PHC2: variants seen among roughly 807,000 people sequenced by gnomAD.
PHC2 encodes the protein polyhomeotic homolog 2.
In PHC2, 29 loss-of-function variants were observed where a neutral mutation model predicts 87.4. The observed-to-expected ratio is 0.33, with a 90% CI of 0.25 to 0.45. PHC2 has a LOEUF of 0.45. Among genes scored for constraint, PHC2 ranks in the 20% least tolerant of loss-of-function variants. PHC2 has a pLI of 1.00. For synonymous variants in PHC2, 438 were observed against 461.7 expected, an observed-to-expected ratio of 0.95 and a Z score of 0.66; for missense variants, 857 against 1,136.7, an observed-to-expected ratio of 0.75 and a Z score of 3.54.
Position 33,328,948 on chromosome 1 carries a change from T to C in PHC2, c.2347A>G (p.Met783Val), listed in dbSNP as rs1211812279. The C allele has an allele frequency of 1.2e-6, 2 of 1,614,034 alleles. No homozygotes were observed. The highest frequency in any genetic ancestry group is 1.7e-6 in the Non-Finnish European group (2 of 1,179,968). Residue 783 changes from methionine to valine, a missense_variant, in exon 14 of 15, where the codon ATG (methionine) becomes GTG (valine). Met to Val is a conservative substitution (Grantham distance 21). Coordinates refer to ENST00000683057, the MANE Select transcript of PHC2 (RefSeq NM_001385109.1). ...TCACTTGGCAGGAAGTGGTGTCCCA[T>C]GCCCACCAGGTCCCGCATATGCATG... ...PDMHMRDLVG[M>V]GHHFLPSEPT...
intron 9 of PHC2, chr1:33,346,405 G>A: frequency 6.1e-6 from 6 of 985,416 alleles, no homozygotes; most frequent in Non-Finnish European, 6.0e-6. Flanking sequence ...GGGAATAAAA[G>A]AGAAACTATC....
intron 9 of PHC2, among the ~76,000 whole-genome samples, chr1:33,339,636 C>T (rs1646705409): frequency 6.6e-6 from 1 of 152,208 alleles, no homozygotes; most frequent in Admixed American, 6.5e-5. Flanking sequence ...CCAGAGCTGA[C>T]GGGCTCTCCA....
intron 1 of PHC2, among the ~76,000 whole-genome samples, chr1:33,414,218 CAA>C (rs1491473035): frequency 9.6e-4 from 141 of 147,622 alleles, no homozygotes; most frequent in African/African-American, 3.2e-3. Context: ...CACACACACA[CAA>C]GAAAGGTTAA....
intron 13 of PHC2, among the ~76,000 whole-genome samples, chr1:33,329,490 CAA>C (rs34875983): frequency 1.3e-5 from 2 of 148,966 alleles, no homozygotes; most frequent in African/African-American, 4.9e-5. Flanking sequence ...AGGTTTAAGA[CAA>C]AAAAAAAATA....
chr1:33,387,651 TA>T (rs1648832738), intron 1 of PHC2, among the ~76,000 whole-genome samples: 1 of 152,236 alleles, frequency 6.6e-6, no homozygotes, highest in Non-Finnish European at 1.5e-5. Flanking sequence ...CTGAGATTCA[TA>T]GAGGCCCTGT....
At position 33,354,416 on chromosome 1, in the gene PHC2, G is replaced by A. The variant is rs770679575; in HGVS notation, c.1543C>T (p.Pro515Ser). 6.2e-7 allele frequency: 1 copy of A among 1,613,300 alleles called. No individual in the cohort carries two copies. The highest frequency in any genetic ancestry group is 1.1e-5 in the South Asian group (1 of 90,980). Reference sequence around the variant, plus strand: ...TGCTTCATACCGTGAGCTGGGGACGGCTGGATGTTAGGGCTCGTGGGTACA... The same window carrying A: ...TGCTTCATACCGTGAGCTGGGGACGACTGGATGTTAGGGCTCGTGGGTACA... ...LPVPTSPNIQ[P>S]SPAHETGQGI... Residue 515 changes from proline (P) to serine (S), a missense_variant, in exon 9 of 15, where the codon CCG (proline) becomes TCG (serine). Physicochemically the swap from Pro to Ser is moderately conservative, Grantham distance 74. Coordinates refer to ENST00000683057, the MANE Select transcript of PHC2 (RefSeq NM_001385109.1).
At chr1:33,408,924 C>G (rs1174074147) in intron 1 of PHC2, among the ~76,000 whole-genome samples, 1 of 152,200 alleles carries the variant, frequency 6.6e-6, no homozygotes, top group Non-Finnish European at 1.5e-5. Flanking sequence ...CCCCATCTCC[C>G]ACCTACTTGT....
At chr1:33,346,654 T>G in intron 9 of PHC2, 1 of 985,416 alleles carries the variant, frequency 1.0e-6, no homozygotes, top group Non-Finnish European at 1.2e-6. Flanking sequence ...CCTAGGTTTT[T>G]TAAACTTTAA....
At chr1:33,419,004 G>A (rs1247432135) in intron 1 of PHC2, among the ~76,000 whole-genome samples, 1 of 152,088 alleles carries the variant, frequency 6.6e-6, no homozygotes, top group Non-Finnish European at 1.5e-5. Flanking sequence ...TTCAGGTCCT[G>A]GCCCCATTAT....
At chr1:33,397,361 T>C (rs1649336636) in intron 1 of PHC2, among the ~76,000 whole-genome samples, 1 of 152,144 alleles carries the variant, frequency 6.6e-6, no homozygotes, top group South Asian at 2.1e-4. Flanking sequence ...ATGCAGAATC[T>C]TGGGCCCCAC....
Position 33,422,542 on chromosome 1 carries a change from T to C in PHC2, c.-55+8434A>G, listed in dbSNP as rs1268693378. Among the ~76,000 whole-genome samples, 2 of 152,230 alleles carry C rather than the reference T, an allele frequency of 1.3e-5. 1 individual carries two copies. The highest frequency in any genetic ancestry group is 4.8e-5 in the African/African-American group (2 of 41,472). ...TTCCAACTGAGCTTTGTTATCATGA[T>C]CAGAAACCAAATTTTTGGCTGGTTA... On this transcript the variant is annotated intron_variant, in intron 1 of 14. Transcript: ENST00000683057.
chr1:33,356,502 G>A (rs1647089720), intron 7 of PHC2, among the ~76,000 whole-genome samples: 8 of 149,670 alleles, frequency 5.3e-5, no homozygotes, highest in South Asian at 2.2e-4. Context: ...CTCTTAACGA[G>A]CATGCTGCCT....
At chr1:33,381,445 G>A (rs571526121) in intron 1 of PHC2, among the ~76,000 whole-genome samples, 1 of 151,938 alleles carries the variant, frequency 6.6e-6, no homozygotes, top group Admixed American at 6.6e-5. Flanking sequence ...TCCATCAATG[G>A]TGTCTATACT....
intron 2 of PHC2, among the ~76,000 whole-genome samples, chr1:33,373,186 C>T (rs966095267): frequency 1.3e-5 from 2 of 152,112 alleles, no homozygotes; most frequent in African/African-American, 2.4e-5. Context: ...GGCGTGATCT[C>T]GGCTCACTGC....
chr1:33,328,378 A>ATTTTT (rs10631917), intron 14 of PHC2, among the ~76,000 whole-genome samples: 13 of 133,672 alleles, frequency 9.7e-5, no homozygotes, highest in African/African-American at 2.0e-4. Flanking sequence ...TCTTAATTAA[A>ATTTTT]TTTTTTTTTT....
chr1:33,394,436 C>T (rs557979739), intron 1 of PHC2, among the ~76,000 whole-genome samples: 27 of 152,206 alleles, frequency 1.8e-4, no homozygotes, highest in Non-Finnish European at 3.5e-4. Context: ...CCTTCAGTGA[C>T]TCTCTCCTCC....
Position 33,332,725 on chromosome 1 carries a change from C to G in PHC2, c.1762-321G>C, listed in dbSNP as rs148016797. ...TTTCCCACAGTGCCAGATCAAGCAC[C>G]AAGACCCAGTACCCACGCATCTCCA... is the stretch of plus-strand genomic sequence containing the variant. On this transcript the variant is annotated intron_variant, in intron 10 of 14. Coordinates refer to ENST00000683057, the MANE Select transcript of PHC2 (RefSeq NM_001385109.1). This position sits in a 1 kb window ranked among gnomAD's most constrained non-coding sequence, Gnocchi z 4.2. 2.5e-3 allele frequency among the ~76,000 whole-genome samples: 376 copies of G among 152,258 alleles called. 1 individual carries two copies. The highest frequency in any genetic ancestry group is 8.6e-3 in the African/African-American group (357 of 41,554).
chr1:33,328,839 C>T (rs200672355), intron 14 of PHC2, 31 bp downstream of exon 14: 20 of 1,580,070 alleles, frequency 1.3e-5, no homozygotes, highest in Admixed American at 3.5e-5. Context: ...CTTGCTATTC[C>T]GGGGAGACAT....
At chr1:33,351,404 A>G (rs72658256) in intron 9 of PHC2, among the ~76,000 whole-genome samples, 14,909 of 152,282 alleles carry the variant, frequency 0.098, 1,039 homozygotes, top group East Asian at 0.28. Flanking sequence ...GCTCTAGAAC[A>G]ATGCCTCGTC....
Sources: allele counts gnomAD v4.1 joint callset (sites outside exome capture counted in the v4.1 genomes callset), GRCh38; gene constraint gnomAD v4.1.1; non-coding constraint Gnocchi (gnomAD v3.1); transcripts MANE v1.5; gene names NCBI Gene and HGNC (gene_info 2026-07-23, HGNC 2026-07-21).